Variants in BSN observed in about 807,000 individuals in gnomAD.
BSN encodes bassoon presynaptic cytomatrix protein, also known as protein bassoon.
A neutral mutation model predicts 264.8 loss-of-function variants in BSN; 57 were observed. That is an observed-to-expected ratio of 0.22 (90% CI 0.17 to 0.27). BSN has a LOEUF of 0.27. Among genes scored for constraint, BSN ranks in the 10% least tolerant of loss-of-function variants. The pLI is 1.00. For missense variants in BSN, 4,615 were observed against 5,232.5 expected, an observed-to-expected ratio of 0.88 and a Z score of 3.64; for synonymous variants, 2,059 against 2,137.3, an observed-to-expected ratio of 0.96 and a Z score of 1.01.
At chr3:49,558,138 G>T (rs1205781178) in intron 1 of BSN, among the ~76,000 whole-genome samples, 2 of 152,258 alleles carry the variant, frequency 1.3e-5, no homozygotes, top group Admixed American at 1.3e-4. Context: ...TAATTGGGAA[G>T]AGTGGAGAGG....
Position 49,651,686 on chromosome 3 carries a change from T to A in BSN, c.2130T>A (p.Ser710Arg). 6.2e-7 allele frequency: 1 copy of A among 1,613,944 alleles called. No individual in the cohort carries two copies. The highest frequency in any genetic ancestry group is 8.5e-7 in the Non-Finnish European group (1 of 1,179,986). The change falls in exon 5 of 12, where the codon AGT becomes AGA. Residue 710 changes from serine to arginine, a missense_variant. Physicochemically the swap from Ser to Arg is moderately radical, Grantham distance 110 (BLOSUM62 -1). Coordinates refer to ENST00000296452, the MANE Select transcript of BSN (RefSeq NM_003458.4). This position sits in a 1 kb window ranked among gnomAD's most constrained non-coding sequence, Gnocchi z 5.4. ...AGCAGGAGGTGGAACAGCTGGACAG[T>A]GCAGGGGTGACAGGGCCACATCCAC... ...VVQQEVEQLD[S>R]AGVTGPHPPS...
At chr3:49,624,428 A>C (rs1410422439) in intron 1 of BSN, among the ~76,000 whole-genome samples, 1 of 150,650 alleles carries the variant, frequency 6.6e-6, no homozygotes, top group Non-Finnish European at 1.5e-5. Context: ...CCTCCCATGT[A>C]GCTGGGTTTA....
At chr3:49,556,241 A>G (rs2051670663) in intron 1 of BSN, among the ~76,000 whole-genome samples, 2 of 152,198 alleles carry the variant, frequency 1.3e-5, no homozygotes, top group South Asian at 4.1e-4. Flanking sequence ...AGTTCCCTGT[A>G]TGGGGAATTT....
chr3:49,622,648 T>C (rs1295363983), intron 1 of BSN, among the ~76,000 whole-genome samples: 2 of 152,272 alleles, frequency 1.3e-5, no homozygotes, highest in African/African-American at 4.8e-5. Flanking sequence ...AAGCTCTCAG[T>C]AGCTTCTGAT....
chr3:49,627,651 G>A (rs1407950057), intron 2 of BSN, among the ~76,000 whole-genome samples: 1 of 152,122 alleles, frequency 6.6e-6, no homozygotes, highest in African/African-American at 2.4e-5. Flanking sequence ...CAAGAAGGCT[G>A]GGATTGCCCT....
intron 1 of BSN, among the ~76,000 whole-genome samples, chr3:49,606,195 T>TAAA (rs1412350462): frequency 2.3e-5 from 1 of 43,428 alleles, no homozygotes; most frequent in Non-Finnish European, 4.1e-5. Flanking sequence ...ATATTATATA[T>TAAA]ACATATATTA....
At chr3:49,626,536 C>T (rs2052342205) in intron 2 of BSN, among the ~76,000 whole-genome samples, 1 of 152,092 alleles carries the variant, frequency 6.6e-6, no homozygotes, top group Non-Finnish European at 1.5e-5. Context: ...CCTGAAGAGG[C>T]GTGCATGCTC....
rs1006160211 is a variant in BSN at position 49,647,727 on chromosome 3, G to A, written c.1519-2885G>A. Reference sequence around the variant, plus strand: ...AGAATAGAATGAATAAAGGAATTGGGACCCCAGCTGTCCCAGCCCCCAGGC... The same window carrying A: ...AGAATAGAATGAATAAAGGAATTGGAACCCCAGCTGTCCCAGCCCCCAGGC... On this transcript the variant is annotated intron_variant, in intron 3 of 11. Coordinates refer to ENST00000296452, the MANE Select transcript of BSN (RefSeq NM_003458.4). Among the ~76,000 whole-genome samples the A allele has an allele frequency of 4.1e-4, 63 of 152,124 alleles. 3 individuals carry two copies. The highest frequency in any genetic ancestry group is 1.5e-5 in the Non-Finnish European group (1 of 68,020).
chr3:49,637,868 G>T (rs890419642), intron 2 of BSN, among the ~76,000 whole-genome samples: 1 of 152,202 alleles, frequency 6.6e-6, no homozygotes, highest in African/African-American at 2.4e-5. Context: ...ACTGGGTCGG[G>T]GTGCACGGGC....
At chr3:49,611,777 T>A (rs1186954484) in intron 1 of BSN, among the ~76,000 whole-genome samples, 2 of 152,204 alleles carry the variant, frequency 1.3e-5, no homozygotes, top group African/African-American at 4.8e-5. Context: ...AATGTCAATG[T>A]CTTGGGTTCT....
chr3:49,600,828 G>A (rs778194706), intron 1 of BSN, among the ~76,000 whole-genome samples: 2 of 152,078 alleles, frequency 1.3e-5, no homozygotes, highest in Non-Finnish European at 2.9e-5. Flanking sequence ...GTAAATAAAG[G>A]TGGCAGAGGA....
In BSN at chr3:49,660,219, A is replaced by G. The variant is rs1274674332; in HGVS notation, c.8641-267A>G. ...TGCTGGGCCAGTACAGGACATTGGC[A>G]TGAAGGGAATCTGCCCGTACCCTCC... On this transcript the variant is annotated intron_variant, in intron 5 of 11. Coordinates refer to ENST00000296452, the MANE Select transcript of BSN (RefSeq NM_003458.4). This position sits in a 1 kb window ranked among gnomAD's most constrained non-coding sequence, Gnocchi z 7.1. Among the ~76,000 whole-genome samples, 1 of 152,196 alleles carries G rather than the reference A, an allele frequency of 6.6e-6. No individual in the cohort carries two copies. The highest frequency in any genetic ancestry group is 1.5e-5 in the Non-Finnish European group (1 of 68,030).
chr3:49,657,685 C>T lies in BSN; in HGVS notation c.8129C>T (p.Thr2710Ile). Reference sequence around the variant, plus strand: ...AGGTACATATCGGCGCCAGAGAAGACTGGGCGTGGGGAGAGCCTGGCCTGC... The same window carrying T: ...AGGTACATATCGGCGCCAGAGAAGATTGGGCGTGGGGAGAGCCTGGCCTGC... ...IVRYISAPEK[T>I]GRGESLACQT... The change falls in exon 5 of 12, where the codon ACT (threonine) becomes ATT (isoleucine). Residue 2710 changes from threonine (T) to isoleucine (I), a missense_variant. By Grantham distance (89) the Thr-to-Ile change is moderately conservative. Coordinates refer to ENST00000296452, the MANE Select transcript of BSN (RefSeq NM_003458.4). 6.4e-7 allele frequency: 1 copy of T among 1,563,974 alleles called. No homozygotes were observed. The highest frequency in any genetic ancestry group is 8.7e-7 in the Non-Finnish European group (1 of 1,151,052).
intron 3 of BSN, among the ~76,000 whole-genome samples, chr3:49,644,532 G>C (rs1036823011): frequency 2.6e-5 from 4 of 152,154 alleles, no homozygotes; most frequent in Admixed American, 2.6e-4. Flanking sequence ...TAGGCACCAC[G>C]AAGCCAACTC....
downstream of BSN, among the ~76,000 whole-genome samples, chr3:49,672,701 G>A (rs1335548297): frequency 1.3e-5 from 2 of 150,852 alleles, no homozygotes; most frequent in East Asian, 2.0e-4. Context: ...AGCTGATCCC[G>A]AACTCCTGGC....
At chr3:49,658,269 G>T (rs1014744023) in intron 5 of BSN, 73 bp downstream of exon 5, 1 of 1,464,672 alleles carries the variant, frequency 6.8e-7, no homozygotes. Flanking sequence ...ACAGGGAGGG[G>T]CTTCTTCTGG....
chr3:49,624,012 T>C (rs1171031438), intron 1 of BSN, among the ~76,000 whole-genome samples: 1 of 152,236 alleles, frequency 6.6e-6, no homozygotes, highest in Non-Finnish European at 1.5e-5. Flanking sequence ...TTCTTTTCTT[T>C]TTTTTTGAAA....
In BSN at chr3:49,657,674, G is replaced by T. The variant is rs372697609; in HGVS notation, c.8118G>T (p.Ala2706=). The T allele has an allele frequency of 1.3e-6, 2 of 1,569,654 alleles. No individual in the cohort carries two copies. Among genetic ancestry groups the T allele is most frequent in the Admixed American group, 1.7e-5 (1 of 57,448 alleles). Residue 2706 remains alanine (A), a synonymous_variant, in exon 5 of 12, where the codon GCG becomes GCT. Coordinates refer to ENST00000296452, the MANE Select transcript of BSN (RefSeq NM_003458.4). The part of the protein sequence containing the change: ...PKVEIVRYIS[A]PEKTGRGESL... ...TGGAGATCGTCAGGTACATATCGGC[G>T]CCAGAGAAGACTGGGCGTGGGGAGA...
intron 1 of BSN, among the ~76,000 whole-genome samples, chr3:49,582,410 A>G (rs779311234): frequency 2.0e-4 from 30 of 152,200 alleles, no homozygotes; most frequent in African/African-American, 7.0e-4. Context: ...TCTGGGCTCA[A>G]GCAACCCTCT....
Sources: gnomAD v4.1 joint callset for allele counts (sites outside exome capture counted in the v4.1 genomes callset) on GRCh38, gnomAD v4.1.1 for gene constraint, Gnocchi (gnomAD v3.1) non-coding constraint, MANE v1.5 for transcripts, NCBI Gene and HGNC (gene_info 2026-07-23, HGNC 2026-07-21) for gene names.